SNTG1: variants seen among roughly 807,000 people sequenced by gnomAD.
SNTG1 encodes gamma-1-syntrophin.
A neutral mutation model predicts 74.7 loss-of-function variants in SNTG1; 39 were observed. The ratio of observed to expected loss-of-function variants is 0.52; its 90% confidence interval spans 0.40 to 0.68. SNTG1 has a LOEUF of 0.68. Among genes scored for constraint, SNTG1 ranks in the 30% least tolerant of loss-of-function variants. The pLI is 0.00. For missense variants in SNTG1, 685 were observed against 609.5 expected (o/e 1.12, Z -1.30); for synonymous variants, 254 against 217.1 (o/e 1.17, Z -1.49).
At chr8:50,736,622 C>T (rs1020414187) in intron 17 of SNTG1, among the ~76,000 whole-genome samples, 2 of 152,088 alleles carry the variant, frequency 1.3e-5, no homozygotes, top group African/African-American at 4.8e-5. Flanking sequence ...ACAGAAGATA[C>T]ATTCTTTTCA....
At chr8:50,047,705 A>C (rs979643053) in intron 1 of SNTG1, among the ~76,000 whole-genome samples, 1 of 152,156 alleles carries the variant, frequency 6.6e-6, no homozygotes, top group Non-Finnish European at 1.5e-5. Flanking sequence ...ACCTTCTGCA[A>C]AGTAAGGTGA....
intron 1 of SNTG1, among the ~76,000 whole-genome samples, chr8:50,001,520 C>T (rs1814735390): frequency 1.3e-5 from 2 of 152,308 alleles, no homozygotes; most frequent in South Asian, 2.1e-4. Context: ...AGAGAACACT[C>T]ATCATCTATT....
At chr8:50,638,674 C>A (rs1450182951) in intron 13 of SNTG1, among the ~76,000 whole-genome samples, 4 of 152,014 alleles carry the variant, frequency 2.6e-5, no homozygotes, top group African/African-American at 9.7e-5. Context: ...TCTTGAGATT[C>A]TGTGAATACA....
At chr8:50,497,480 T>A (rs1389533864) in intron 8 of SNTG1, among the ~76,000 whole-genome samples, 1 of 152,014 alleles carries the variant, frequency 6.6e-6, no homozygotes, top group Non-Finnish European at 1.5e-5. Flanking sequence ...TAGAGTCACA[T>A]AATATTGATT....
intron 1 of SNTG1, among the ~76,000 whole-genome samples, chr8:49,974,438 C>T (rs1453025184): frequency 4.6e-5 from 7 of 152,144 alleles, no homozygotes; most frequent in African/African-American, 1.7e-4. Context: ...TCTATATGCC[C>T]AAGGGCACAT....
chr8:50,781,963 A>C (rs2095660909), intron 18 of SNTG1, among the ~76,000 whole-genome samples: 1 of 152,104 alleles, frequency 6.6e-6, no homozygotes, highest in Non-Finnish European at 1.5e-5. Flanking sequence ...TTCACTTATG[A>C]AGCTTAGTTT....
intron 1 of SNTG1, among the ~76,000 whole-genome samples, chr8:50,042,833 G>A (rs1818756747): frequency 6.6e-6 from 1 of 151,844 alleles, no homozygotes; most frequent in South Asian, 2.1e-4. Context: ...TTGGATTCTA[G>A]TGATCCTCCC....
intron 8 of SNTG1, among the ~76,000 whole-genome samples, chr8:50,495,986 T>C (rs2093900529): frequency 6.6e-6 from 1 of 152,172 alleles, no homozygotes; most frequent in African/African-American, 2.4e-5. Context: ...CGTAAATGAC[T>C]GCATAAAAAA....
At chr8:50,076,208 AC>A (rs1418285833) in intron 1 of SNTG1, among the ~76,000 whole-genome samples, 1 of 152,212 alleles carries the variant, frequency 6.6e-6, no homozygotes, top group Admixed American at 6.5e-5. Flanking sequence ...AGCAAATTCC[AC>A]ATGCTAATTT....
chr8:50,203,504 A>G (rs1229800939), intron 2 of SNTG1, among the ~76,000 whole-genome samples: 2 of 152,098 alleles, frequency 1.3e-5, no homozygotes, highest in East Asian at 3.9e-4. Flanking sequence ...GCTATTTCTA[A>G]GATTTTTTAT....
chr8:50,554,001 T>C lies in SNTG1; in HGVS notation c.810+822T>C, dbSNP rs28497321. ...CCTAAGGGAGATCAGGAGTCTAATA[T>C]ACAAATGATCAAGCAGAAATATATA... On this transcript the variant is annotated intron_variant, in intron 12 of 18. Transcript: ENST00000642720. Among the ~76,000 whole-genome samples, 925 of 152,184 alleles carry C rather than the reference T, an allele frequency of 6.1e-3. 12 individuals are homozygous for C. The highest frequency in any genetic ancestry group is 0.021 in the African/African-American group (880 of 41,522).
chr8:49,962,645 G>T (rs1196809698), intron 1 of SNTG1, among the ~76,000 whole-genome samples: 3 of 152,020 alleles, frequency 2.0e-5, no homozygotes, highest in South Asian at 2.1e-4. Context: ...ACCCAGGCTG[G>T]GGTGCAGTGA....
In SNTG1 at chr8:50,427,799, G is replaced by A. The variant is rs539093735; in HGVS notation, c.163-10744G>A. On this transcript the variant is annotated intron_variant, in intron 4 of 18. Coordinates refer to ENST00000642720, the MANE Select transcript of SNTG1 (RefSeq NM_018967.5). The stretch of plus-strand genomic sequence containing the variant: ...TACTCAATTGTTCTTTCTATATTAT[G>A]CCAAGAGGCACTGTTGGGACTATAT... Among the ~76,000 whole-genome samples the A allele has an allele frequency of 1.8e-4, 27 of 152,264 alleles. No homozygotes were observed. The South Asian group carries it at 5.2e-3, about 29-fold the overall frequency.
At chr8:50,782,689 CCTT>C (rs1180247591) in intron 18 of SNTG1, among the ~76,000 whole-genome samples, 1 of 152,070 alleles carries the variant, frequency 6.6e-6, no homozygotes, top group African/African-American at 2.4e-5. Flanking sequence ...TCATCTGAAG[CCTT>C]CTTCTCTCAA....
At chr8:50,759,669 A>G (rs1258038488) in intron 18 of SNTG1, among the ~76,000 whole-genome samples, 1 of 151,656 alleles carries the variant, frequency 6.6e-6, no homozygotes, top group Non-Finnish European at 1.5e-5. Context: ...TGATATATAT[A>G]TATATTGGTA....
intron 13 of SNTG1, among the ~76,000 whole-genome samples, chr8:50,655,753 C>T (rs2095176203): frequency 6.6e-6 from 1 of 152,124 alleles, no homozygotes; most frequent in Non-Finnish European, 1.5e-5. Flanking sequence ...CAAATTCTTG[C>T]ATTGTTATTA....
At chr8:50,023,549 T>G (rs1185675589) in intron 1 of SNTG1, among the ~76,000 whole-genome samples, 1 of 152,126 alleles carries the variant, frequency 6.6e-6, no homozygotes, top group Admixed American at 6.6e-5. Context: ...CTTAAAAAGT[T>G]TATTCATGTA....
chr8:49,916,500 G>A (rs927458216), intron 1 of SNTG1, among the ~76,000 whole-genome samples: 1 of 151,962 alleles, frequency 6.6e-6, no homozygotes, highest in African/African-American at 2.4e-5. Context: ...TTCATCATAT[G>A]TAATGTACAT....
intron 2 of SNTG1, among the ~76,000 whole-genome samples, chr8:50,227,169 A>G (rs2085370810): frequency 6.6e-6 from 1 of 152,160 alleles, no homozygotes; most frequent in Admixed American, 6.6e-5. Context: ...ATCGACAGTC[A>G]AGATTGCTTC....
Sources: gnomAD v4.1 joint callset for allele counts (sites outside exome capture counted in the v4.1 genomes callset) on GRCh38, gnomAD v4.1.1 for gene constraint, MANE v1.5 for transcripts, NCBI Gene and HGNC (gene_info 2026-07-23, HGNC 2026-07-21) for gene names.